PIK3CB: variants seen among roughly 807,000 people sequenced by gnomAD.
PIK3CB encodes phosphatidylinositol-4,5-bisphosphate 3-kinase catalytic subunit beta, also known as phosphatidylinositol 4,5-bisphosphate 3-kinase catalytic subunit beta isoform.
A neutral mutation model predicts 136.8 loss-of-function variants in PIK3CB; 39 were observed. The observed-to-expected ratio is 0.29, with a 90% CI of 0.22 to 0.37. The LOEUF (loss-of-function observed/expected upper bound fraction) is 0.37. PIK3CB is among the 10% of genes least tolerant of loss of function. PIK3CB has a pLI of 1.00. For synonymous variants in PIK3CB, 428 were observed against 436.6 expected (o/e 0.98, Z 0.25); for missense variants, 868 against 1,275.4 (o/e 0.68, Z 4.87).
At chr3:138,793,388 G>T (rs113899772) in intron 2 of PIK3CB, among the ~76,000 whole-genome samples, 4,705 of 149,656 alleles carry the variant, frequency 0.031, 247 homozygotes, top group African/African-American at 0.11. Flanking sequence ...GGCGGATCCC[G>T]CGAGGTGAGG....
At chr3:138,719,479 C>G (rs771552035) in intron 8 of PIK3CB, among the ~76,000 whole-genome samples, 4 of 152,026 alleles carry the variant, frequency 2.6e-5, no homozygotes, top group Non-Finnish European at 5.9e-5. Flanking sequence ...CTCCTGAGCT[C>G]AAGTGATCTG....
At position 138,834,706 on chromosome 3, in the gene PIK3CB, T is replaced by TCCG. The variant is rs1246611005; in HGVS notation, c.-136_-134dup. The TCCG allele has an allele frequency of 1.3e-5, 2 of 153,070 alleles. No homozygotes were observed. The highest frequency in any genetic ancestry group is 6.6e-5 in the Admixed American group (1 of 15,184). The allele number at this position is 153,070 out of a possible 1,614,324, so 9.5% of individuals were successfully genotyped here. A position where few individuals can be genotyped will look rare whatever the true frequency, so the allele number is the denominator to read the frequency against. ...GCCGCCGCACTCACCTGCCTGGCGT[T>TCCG]CCGCCGCCGCCGCCTGCTACTATTC... On this transcript the variant is annotated 5_prime_UTR_variant, in exon 1 of 24. Coordinates refer to ENST00000674063, the MANE Select transcript of PIK3CB (RefSeq NM_006219.3).
At chr3:138,663,580 C>T (rs1340065223) in intron 21 of PIK3CB, among the ~76,000 whole-genome samples, 1 of 152,054 alleles carries the variant, frequency 6.6e-6, no homozygotes, top group East Asian at 1.9e-4. Flanking sequence ...CGGGGTTTCG[C>T]CATGTTGACC....
chr3:138,801,920 C>T (rs2046181163), intron 1 of PIK3CB, among the ~76,000 whole-genome samples: 1 of 148,746 alleles, frequency 6.7e-6, no homozygotes, highest in Non-Finnish European at 1.5e-5. Flanking sequence ...TTGGTGCACA[C>T]ATGTAATCCT....
chr3:138,825,477 TAAG>T (rs2108915093), intron 1 of PIK3CB: 1 of 703,650 alleles, frequency 1.4e-6, no homozygotes, highest in South Asian at 1.6e-5. Flanking sequence ...GCACTTACAT[TAAG>T]AAAATTGGCT....
chr3:138,736,227 C>T (rs558412025), intron 6 of PIK3CB, among the ~76,000 whole-genome samples: 24 of 152,268 alleles, frequency 1.6e-4, no homozygotes, highest in African/African-American at 5.5e-4. Context: ...AGTTCAACAG[C>T]TTACTATCAG....
At chr3:138,735,445 A>G (rs2045083030) in intron 6 of PIK3CB, among the ~76,000 whole-genome samples, 1 of 152,158 alleles carries the variant, frequency 6.6e-6, no homozygotes, top group Admixed American at 6.6e-5. Flanking sequence ...ATTTAAACCC[A>G]TTTGTCTAAC....
rs776612708 is a variant in PIK3CB, at chr3:138,656,165, C to T, written c.3052G>A (p.Val1018Ile). 6.2e-7 allele frequency: 1 copy of T among 1,614,126 alleles called. No individual in the cohort carries two copies. The highest frequency in any genetic ancestry group is 1.1e-5 in the South Asian group (1 of 91,076). Residue 1018 changes from valine (V) to isoleucine (I), a missense_variant, in exon 23 of 24, where the codon GTC becomes ATC. Physicochemically the swap from Val to Ile is conservative, Grantham distance 29 (BLOSUM62 3). Around this residue, in one of 4 missense-constraint regions of PIK3CB, gnomAD observed 88 missense variants for 147.8 expected, o/e 0.60. Coordinates refer to ENST00000674063, the MANE Select transcript of PIK3CB (RefSeq NM_006219.3). ...LTAGLPELTS[V>I]KDIQYLKDSL... ...ACCTTAAGATACTGTATATCTTTGA[C>T]TGATGTGAGTTCAGGAAGCCCTGCA...
intron 8 of PIK3CB, among the ~76,000 whole-genome samples, chr3:138,726,518 CG>C (rs1553729400): frequency 1.3e-5 from 2 of 152,110 alleles, no homozygotes; most frequent in Non-Finnish European, 2.9e-5. Context: ...CTGCTACCAC[CG>C]TTGCTATTGC....
chr3:138,791,962 T>C (rs1265108385), intron 2 of PIK3CB, among the ~76,000 whole-genome samples: 3 of 152,220 alleles, frequency 2.0e-5, no homozygotes, highest in Non-Finnish European at 4.4e-5. Context: ...TATTATATAG[T>C]AGGCCCTCCA....
chr3:138,764,119 A>G (rs1313891608), intron 2 of PIK3CB, among the ~76,000 whole-genome samples: 1 of 151,340 alleles, frequency 6.6e-6, no homozygotes, highest in East Asian at 1.9e-4. Flanking sequence ...TCCAAAAAAA[A>G]AAAAAAAAAA....
intron 10 of PIK3CB, chr3:138,707,717 C>A (rs1022449993): frequency 1.1e-4 from 20 of 190,104 alleles, no homozygotes; most frequent in Non-Finnish European, 9.8e-6. Flanking sequence ...CAATGACATT[C>A]TTCTTATCAA....
chr3:138,655,810 C>G (rs1013940416), intron 23 of PIK3CB, among the ~76,000 whole-genome samples: 1 of 152,172 alleles, frequency 6.6e-6, no homozygotes, highest in African/African-American at 2.4e-5. Flanking sequence ...TCAAGACCTA[C>G]TAAGATCCTG....
At chr3:138,709,074 T>C (rs923190803) in intron 10 of PIK3CB, among the ~76,000 whole-genome samples, 1 of 149,036 alleles carries the variant, frequency 6.7e-6, no homozygotes, top group Non-Finnish European at 1.5e-5. Flanking sequence ...TGAACCACCA[T>C]ATGTGGCAAA....
intron 1 of PIK3CB, among the ~76,000 whole-genome samples, chr3:138,811,683 C>T (rs1175023912): frequency 6.6e-6 from 1 of 152,008 alleles, no homozygotes. Context: ...CTCGGCCTCC[C>T]GAAGTGCTGG....
chr3:138,677,357 C>A (rs2043669289), intron 19 of PIK3CB, among the ~76,000 whole-genome samples: 1 of 152,026 alleles, frequency 6.6e-6, no homozygotes, highest in Non-Finnish European at 1.5e-5. Flanking sequence ...CGTGCCCAGC[C>A]TTACTCAAGA....
intron 8 of PIK3CB, among the ~76,000 whole-genome samples, chr3:138,722,651 T>A (rs1372272835): frequency 6.8e-6 from 1 of 147,418 alleles, no homozygotes; most frequent in Non-Finnish European, 1.5e-5. Flanking sequence ...AACTCAGGTA[T>A]AGGAAATGAA....
chr3:138,824,413 T>A (rs1313995718), intron 1 of PIK3CB, among the ~76,000 whole-genome samples: 5 of 152,094 alleles, frequency 3.3e-5, no homozygotes, highest in Non-Finnish European at 7.4e-5. Flanking sequence ...AGATTCACAT[T>A]CTTGATTCCA....
chr3:138,726,485 CCCCG>C, intron 8 of PIK3CB, among the ~76,000 whole-genome samples: 1 of 152,286 alleles, frequency 6.6e-6, no homozygotes, highest in Non-Finnish European at 1.5e-5. Flanking sequence ...CTCTGCCTGT[CCCCG>C]CTTCTCCTGC....
Sources: allele counts gnomAD v4.1 joint callset (sites outside exome capture counted in the v4.1 genomes callset), GRCh38; gene constraint gnomAD v4.1.1; regional missense constraint gnomAD v4.1.1; transcripts MANE v1.5; gene names NCBI Gene and HGNC (gene_info 2026-07-23, HGNC 2026-07-21).